Variants in PIP4K2A observed in about 807,000 individuals in gnomAD.
PIP4K2A encodes the protein phosphatidylinositol-5-phosphate 4-kinase type 2 alpha.
A neutral mutation model predicts 42.9 loss-of-function variants in PIP4K2A; 14 were observed. The ratio of observed to expected loss-of-function variants is 0.33; its 90% CI spans 0.22 to 0.51. The LOEUF is 0.51. PIP4K2A is among the 20% of genes least tolerant of loss of function. PIP4K2A has a pLI of 0.97. For synonymous variants in PIP4K2A, 192 were observed against 192.2 expected (o/e 1.00, Z 0.01); for missense variants, 434 against 519.8 (o/e 0.83, Z 1.61).
chr10:22,619,965 C>T (rs1326341), intron 1 of PIP4K2A, among the ~76,000 whole-genome samples: 116,510 of 152,176 alleles, frequency 0.77, 47,078 homozygotes, highest in East Asian at 0.9. Context: ...CCAGGGTCCA[C>T]AAACTCAAAA....
At chr10:22,558,319 A>T (rs1290526373) in intron 6 of PIP4K2A, among the ~76,000 whole-genome samples, 2 of 152,232 alleles carry the variant, frequency 1.3e-5, no homozygotes, top group Non-Finnish European at 2.9e-5. Context: ...CATCTATGGA[A>T]CTGAAAACAT....
At chr10:22,694,232 G>A (rs1202609865) in intron 1 of PIP4K2A, 1 of 152,196 alleles carries the variant, frequency 6.6e-6, no homozygotes, top group Non-Finnish European at 1.5e-5. Flanking sequence ...CTGTCAGAAT[G>A]TCTACTTACA....
At chr10:22,675,622 G>T (rs1362541563) in intron 1 of PIP4K2A, among the ~76,000 whole-genome samples, 4 of 152,200 alleles carry the variant, frequency 2.6e-5, no homozygotes, top group African/African-American at 9.6e-5. Context: ...CTGTTGAGGA[G>T]AAACAGTAAA....
chr10:22,702,787 G>A (rs1310357984), intron 1 of PIP4K2A, among the ~76,000 whole-genome samples: 1 of 152,082 alleles, frequency 6.6e-6, no homozygotes, highest in Non-Finnish European at 1.5e-5. Context: ...GAGAACTAAT[G>A]GCCTACGGTT....
intron 6 of PIP4K2A, among the ~76,000 whole-genome samples, chr10:22,562,337 A>T (rs1836731499): frequency 6.6e-6 from 1 of 152,228 alleles, no homozygotes; most frequent in Admixed American, 6.5e-5. Flanking sequence ...TCACGAGGTC[A>T]GGGGATCGAG....
At chr10:22,564,701 C>T (rs950664115) in intron 6 of PIP4K2A, among the ~76,000 whole-genome samples, 2 of 152,142 alleles carry the variant, frequency 1.3e-5, no homozygotes, top group African/African-American at 4.8e-5. Flanking sequence ...GGGGTTTAGG[C>T]GAAGGTTGAA....
At chr10:22,542,182 C>T (rs868703134) in intron 7 of PIP4K2A, 135 bp from the exon 8 acceptor site, 12 of 681,362 alleles carry the variant, frequency 1.8e-5, no homozygotes, top group Non-Finnish European at 2.3e-5. Context: ...GCCTCCTTCA[C>T]GATGCTCTTA....
intron 1 of PIP4K2A, among the ~76,000 whole-genome samples, chr10:22,692,845 T>C (rs576958183): frequency 1.6e-4 from 25 of 152,166 alleles, no homozygotes; most frequent in Admixed American, 3.3e-4. Flanking sequence ...AAACATGTCC[T>C]TTAGGCACTC....
chr10:22,690,482 G>A (rs903527549), intron 1 of PIP4K2A, among the ~76,000 whole-genome samples: 2 of 152,210 alleles, frequency 1.3e-5, no homozygotes, highest in Non-Finnish European at 2.9e-5. Flanking sequence ...TTTTCCACAA[G>A]CTGAAATACT....
intron 5 of PIP4K2A, chr10:22,569,198 T>C: frequency 1.5e-6 from 1 of 660,556 alleles, no homozygotes; most frequent in South Asian, 1.8e-5. Flanking sequence ...AAGACCAGGC[T>C]GGGGGGGTCT....
chr10:22,630,638 G>A (rs1385788586), intron 1 of PIP4K2A, among the ~76,000 whole-genome samples: 2 of 152,146 alleles, frequency 1.3e-5, no homozygotes, highest in African/African-American at 4.8e-5. Flanking sequence ...CAACCGTTCT[G>A]TTTTTAGACA....
At position 22,567,733 on chromosome 10, in the gene PIP4K2A, T is replaced by C. The variant is rs781478388; in HGVS notation, c.678+118A>G. Reference sequence around the variant, plus strand: ...GTGTTTCTCGCTGGTGGCAGCAGAATGGGGAACAGGAAGAACCACAATAGC... The same window carrying C: ...GTGTTTCTCGCTGGTGGCAGCAGAACGGGGAACAGGAAGAACCACAATAGC... On this transcript the variant is annotated intron_variant, in intron 6 of 9. Transcript: ENST00000376573. 1.7e-5 allele frequency: 15 copies of C among 864,982 alleles called. No homozygotes were observed. In the Admixed American group the frequency reaches 2.0e-4, roughly 12 times the overall value. The allele number at this position is 864,982 out of a possible 1,614,324, so 53.6% of individuals were successfully genotyped here.
intron 6 of PIP4K2A, among the ~76,000 whole-genome samples, chr10:22,552,522 G>A (rs564943581): frequency 6.6e-6 from 1 of 152,180 alleles, no homozygotes; most frequent in African/African-American, 2.4e-5. Context: ...ATATTAAAAT[G>A]TTTGAGTTCA....
chr10:22,666,800 A>G (rs563809839), intron 1 of PIP4K2A, among the ~76,000 whole-genome samples: 2 of 152,220 alleles, frequency 1.3e-5, no homozygotes, highest in African/African-American at 4.8e-5. Context: ...CCGAACGTAC[A>G]TTTTCCCATT....
At chr10:22,652,742 A>G (rs1839019361) in intron 1 of PIP4K2A, among the ~76,000 whole-genome samples, 1 of 152,242 alleles carries the variant, frequency 6.6e-6, no homozygotes, top group Non-Finnish European at 1.5e-5. Flanking sequence ...AATGAAAAAT[A>G]CACAATGAAT....
intron 2 of PIP4K2A, 34 bp downstream of exon 2, chr10:22,609,586 C>T (rs560490410): frequency 6.7e-6 from 8 of 1,194,700 alleles, no homozygotes; most frequent in South Asian, 2.5e-5. Flanking sequence ...CTAGCAGCCA[C>T]GCTAGTCTTA....
chr10:22,676,456 A>C (rs568716584), intron 1 of PIP4K2A, among the ~76,000 whole-genome samples: 1 of 152,264 alleles, frequency 6.6e-6, no homozygotes, highest in African/African-American at 2.4e-5. Flanking sequence ...TGCTTGAAGA[A>C]AATAGCATTT....
At chr10:22,561,577 T>G (rs975333424) in intron 6 of PIP4K2A, among the ~76,000 whole-genome samples, 6 of 145,484 alleles carry the variant, frequency 4.1e-5, no homozygotes, top group African/African-American at 1.5e-4. Context: ...TTTTTTTTTT[T>G]TTTTTTTTTT....
In PIP4K2A at chr10:22,601,130, C is replaced by CAAAAAAAAAAAAAAA; in HGVS notation, c.339+6782_339+6796dup. On this transcript the variant is annotated intron_variant, in intron 3 of 9. Coordinates refer to ENST00000376573, the MANE Select transcript of PIP4K2A (RefSeq NM_005028.5). ...CCTGGGCAACAGAGCGAGACTGTCTCAAAAAAAAAAAAAAAAAAAAAAAAA... is the reference window on the plus strand; with the variant it reads ...CCTGGGCAACAGAGCGAGACTGTCTCAAAAAAAAAAAAAAAAAAAAAAAAAAAAAAAAAAAAAAAA... Among the ~76,000 whole-genome samples, 53 of 31,920 alleles carry CAAAAAAAAAAAAAAA rather than the reference C, an allele frequency of 1.7e-3. 11 individuals are homozygous for CAAAAAAAAAAAAAAA. Among genetic ancestry groups the CAAAAAAAAAAAAAAA allele is most frequent in the Non-Finnish European group, 3.2e-3 (37 of 11,414 alleles). The allele number at this position is 31,920 out of a possible 152,430, so 20.9% of individuals were successfully genotyped here.
Sources: allele counts gnomAD v4.1 joint callset (sites outside exome capture counted in the v4.1 genomes callset), GRCh38; gene constraint gnomAD v4.1.1; transcripts MANE v1.5; gene names NCBI Gene and HGNC (gene_info 2026-07-23, HGNC 2026-07-21).